CDH4: variants seen among roughly 807,000 people sequenced by gnomAD.
CDH4 encodes the protein cadherin 4, also known as cadherin-4.
In CDH4, 33 loss-of-function variants were observed where a neutral mutation model predicts 86.0. That is an observed-to-expected ratio of 0.38 (90% CI 0.29 to 0.51). The LOEUF (loss-of-function observed/expected upper bound fraction) is 0.51, where lower values mean the gene tolerates loss of function less well. Among genes scored for constraint, CDH4 ranks in the 20% least tolerant of loss-of-function variants. CDH4 has a pLI of 0.86. For synonymous variants in CDH4, 555 were observed against 549.4 expected, an observed-to-expected ratio of 1.01 and a Z score of -0.14; for missense variants, 1,114 against 1,307.4, an observed-to-expected ratio of 0.85 and a Z score of 2.28.
At chr20:61,717,650 G>A (rs1471288707) in intron 2 of CDH4, 1 of 152,136 alleles carries the variant, frequency 6.6e-6, no homozygotes, top group Admixed American at 6.5e-5. Context: ...ACCACACCTG[G>A]ATAATTTTGA....
chr20:61,837,199 A>T (rs1020605107), intron 4 of CDH4, among the ~76,000 whole-genome samples: 1 of 152,170 alleles, frequency 6.6e-6, no homozygotes, highest in African/African-American at 2.4e-5. Flanking sequence ...TCTCAAAAAA[A>T]ACGGGGTTTC....
intron 4 of CDH4, among the ~76,000 whole-genome samples, chr20:61,784,584 C>T (rs71323521): frequency 2.2e-3 from 186 of 85,152 alleles, no homozygotes; most frequent in Middle Eastern, 6.8e-3. Context: ...CCCAGTTCCT[C>T]GGGACAGTTC....
intron 9 of CDH4, among the ~76,000 whole-genome samples, chr20:61,922,713 T>C (rs1049905856): frequency 6.6e-6 from 1 of 152,228 alleles, no homozygotes; most frequent in Non-Finnish European, 1.5e-5. Flanking sequence ...TGTCGCCACA[T>C]GGCTCCTCCC....
intron 2 of CDH4, among the ~76,000 whole-genome samples, chr20:61,668,776 C>T (rs1219194653): frequency 6.6e-6 from 1 of 152,226 alleles, no homozygotes; most frequent in Non-Finnish European, 1.5e-5. Flanking sequence ...GCCCCTGGGC[C>T]CTCCACTTAC....
At chr20:61,537,028 A>AC (rs1435241699) in intron 2 of CDH4, among the ~76,000 whole-genome samples, 1 of 151,924 alleles carries the variant, frequency 6.6e-6, no homozygotes, top group African/African-American at 2.4e-5. Flanking sequence ...TGCTCTGAGC[A>AC]CCCCCAGAAA....
At position 61,939,596 on chromosome 20, in the gene CDH4, C is replaced by T. The variant is rs190132019; in HGVS notation, c.*2653C>T. 12 of 152,474 alleles carry T rather than the reference C, an allele frequency of 7.9e-5. No homozygotes were observed. The allele number at this position is 152,474 out of a possible 1,614,324, so 9.4% of individuals were successfully genotyped here. The stretch of plus-strand genomic sequence containing the variant: ...ACCTCTGAACTTGAGTTAGCGTTAG[C>T]TAAGCATACAATCAGTGTCGAACGT... On this transcript the variant is annotated 3_prime_UTR_variant, in exon 16 of 16. Transcript: ENST00000614565.
At chr20:61,622,218 C>T (rs2086784575) in intron 2 of CDH4, among the ~76,000 whole-genome samples, 1 of 152,228 alleles carries the variant, frequency 6.6e-6, no homozygotes, top group African/African-American at 2.4e-5. Flanking sequence ...TTTAAGGTGC[C>T]ACCGCCTCCT....
At chr20:61,295,092 G>A (rs540337012) in intron 2 of CDH4, among the ~76,000 whole-genome samples, 3 of 152,260 alleles carry the variant, frequency 2.0e-5, no homozygotes, top group Non-Finnish European at 4.4e-5. Flanking sequence ...CGAAGGCAGG[G>A]AGTGTCATGG....
chr20:61,805,996 G>C (rs1006164591), intron 4 of CDH4, among the ~76,000 whole-genome samples: 2 of 152,214 alleles, frequency 1.3e-5, no homozygotes, highest in Non-Finnish European at 2.9e-5. Context: ...GTGGGTGCTT[G>C]GGGCAAGGGG....
Position 61,923,633 on chromosome 20 carries a change from C to T in CDH4, c.1557C>T (p.Gly519=), listed in dbSNP as rs1449979913. Residue 519 remains glycine (G), a synonymous_variant, in exon 10 of 16, where the codon GGC becomes GGT. Coordinates refer to ENST00000614565, the MANE Select transcript of CDH4 (RefSeq NM_001794.5). ...ACAAGCTGATCCGCCTGGAGGAGGG[C>T]GTGCCCCCCGGCACCGTGCTGACCA... ...SNHKLIRLEE[G]VPPGTVLTTF... The T allele has an allele frequency of 2.0e-5, 33 of 1,614,094 alleles. No homozygotes were observed. The highest frequency in any genetic ancestry group is 3.3e-5 in the Admixed American group (2 of 60,028).
At chr20:61,812,715 G>A (rs1337256796) in intron 4 of CDH4, among the ~76,000 whole-genome samples, 1 of 152,204 alleles carries the variant, frequency 6.6e-6, no homozygotes. Flanking sequence ...ATAATACGGG[G>A]AGTTGGGGCT....
chr20:61,801,971 C>T (rs6142869), intron 4 of CDH4, among the ~76,000 whole-genome samples: 18,744 of 152,322 alleles, frequency 0.12, 1,386 homozygotes, highest in South Asian at 0.24. Flanking sequence ...CTCTGGCAGC[C>T]GGATTCAGCC....
At chr20:61,570,556 C>A in intron 2 of CDH4, 2 of 653,408 alleles carry the variant, frequency 3.1e-6, no homozygotes, top group Non-Finnish European at 2.8e-6. Flanking sequence ...TACATCCAAG[C>A]GTTGACTTTT....
chr20:61,404,346 T>G (rs1018583539), intron 2 of CDH4, among the ~76,000 whole-genome samples: 2 of 152,180 alleles, frequency 1.3e-5, no homozygotes, highest in African/African-American at 4.8e-5. Flanking sequence ...TCTGGAAAGT[T>G]GGGTTAATTT....
rs943623599 is a variant in CDH4, at chr20:61,408,727, A to G, written c.169+153790A>G. Among the ~76,000 whole-genome samples the G allele has an allele frequency of 3.7e-4, 9 of 24,224 alleles. No individual in the cohort carries two copies. In the African/African-American group the frequency reaches 5.2e-3, roughly 14 times the overall value. 15.9% of individuals were successfully genotyped at this position (24,224 alleles called of 152,430 possible). Reference sequence around the variant, plus strand: ...CCTGGTTCCATTTCATTTTGCATACAACACCATGGAATCACATGATGGAGA... The same window carrying G: ...CCTGGTTCCATTTCATTTTGCATACGACACCATGGAATCACATGATGGAGA... On this transcript the variant is annotated intron_variant, in intron 2 of 15. Coordinates refer to ENST00000614565, the MANE Select transcript of CDH4 (RefSeq NM_001794.5).
chr20:61,847,138 G>A lies in CDH4; in HGVS notation c.732+2315G>A, dbSNP rs1982495492. Among the ~76,000 whole-genome samples, 3 of 152,210 alleles carry A rather than the reference G, an allele frequency of 2.0e-5. No individual in the cohort carries two copies. The South Asian group carries it at 6.2e-4, about 32-fold the overall frequency. On this transcript the variant is annotated intron_variant, in intron 5 of 15. Transcript: ENST00000614565. ...CTCCCTGCATCATCCCCAATGAGCT[G>A]TTTCTCCTCCATGGATTCTCACCAG... is the stretch of plus-strand genomic sequence containing the variant.
intron 2 of CDH4, among the ~76,000 whole-genome samples, chr20:61,533,738 T>G (rs2085973743): frequency 6.6e-6 from 1 of 152,104 alleles, no homozygotes; most frequent in African/African-American, 2.4e-5. Flanking sequence ...ATAGATGGGG[T>G]GAGGGCGTGG....
intron 2 of CDH4, among the ~76,000 whole-genome samples, chr20:61,608,517 G>A (rs1364884597): frequency 1.3e-5 from 2 of 152,200 alleles, no homozygotes; most frequent in African/African-American, 4.8e-5. Flanking sequence ...GGTGATGGAC[G>A]ATTCTGCCCC....
At chr20:61,838,888 C>T (rs534477542) in intron 4 of CDH4, among the ~76,000 whole-genome samples, 1 of 151,738 alleles carries the variant, frequency 6.6e-6, no homozygotes, top group East Asian at 1.9e-4. Flanking sequence ...AATTGCCTGT[C>T]TCAGCAGGCC....
Sources: allele counts gnomAD v4.1 joint callset (sites outside exome capture counted in the v4.1 genomes callset), GRCh38; gene constraint gnomAD v4.1.1; transcripts MANE v1.5; gene names NCBI Gene and HGNC (gene_info 2026-07-23, HGNC 2026-07-21).